Variants in DLG2 observed in about 807,000 individuals in gnomAD.
DLG2 encodes the protein discs large MAGUK scaffold protein 2, also known as disks large homolog 2.
A neutral mutation model predicts 132.5 loss-of-function variants in DLG2; 45 were observed. The ratio of observed to expected loss-of-function variants is 0.34; its 90% confidence interval spans 0.27 to 0.44. The LOEUF is 0.44. DLG2 is among the 20% of genes least tolerant of loss of function. The pLI is 1.00. For missense variants in DLG2, 1,045 were observed against 1,196.9 expected (o/e 0.87, Z 1.87); for synonymous variants, 424 against 419.6 (o/e 1.01, Z -0.13).
At chr11:85,092,660 T>TC (rs2068983401) in intron 6 of DLG2, among the ~76,000 whole-genome samples, 1 of 151,292 alleles carries the variant, frequency 6.6e-6, no homozygotes, top group Admixed American at 6.6e-5. Flanking sequence ...TTTTTTTTTT[T>TC]CAGACAGAGT....
At chr11:83,812,873 A>C (rs1293345201) in intron 17 of DLG2, among the ~76,000 whole-genome samples, 1 of 152,164 alleles carries the variant, frequency 6.6e-6, no homozygotes, top group Non-Finnish European at 1.5e-5. Context: ...AGGAGATGGG[A>C]TGATGACCAG....
In DLG2 at chr11:84,821,659, AC is replaced by A. The variant is rs1326386084; in HGVS notation, c.358-286929del. 1.3e-4 allele frequency among the ~76,000 whole-genome samples: 20 copies of A among 151,250 alleles called. 1 individual carries two copies. The highest frequency in any genetic ancestry group is 3.9e-4 in the African/African-American group (16 of 41,344). On this transcript the variant is annotated intron_variant, in intron 6 of 27. Transcript: ENST00000376104. ...AAAAAAAACAACAACAACAAAAAAA[AC>A]AAAAAAACAACTTTGGTTAAACTTC...
At chr11:83,817,331 A>G (rs985058341) in intron 17 of DLG2, among the ~76,000 whole-genome samples, 2 of 152,152 alleles carry the variant, frequency 1.3e-5, no homozygotes, top group African/African-American at 4.8e-5. Flanking sequence ...TTGAAGGATG[A>G]ATAGAATAGA....
chr11:85,600,860 C>T (rs927681829), intron 2 of DLG2, among the ~76,000 whole-genome samples: 12 of 152,134 alleles, frequency 7.9e-5, no homozygotes, highest in East Asian at 1.9e-4. Flanking sequence ...TTTTAACTTG[C>T]GCTTAAATTA....
intron 6 of DLG2, among the ~76,000 whole-genome samples, chr11:84,989,300 T>C (rs954806095): frequency 1.8e-4 from 27 of 152,092 alleles, no homozygotes; most frequent in African/African-American, 6.5e-4. Context: ...CTCAGCCTCC[T>C]GAGTAGCTGG....
At chr11:83,699,124 G>A (rs548271328) in intron 18 of DLG2, among the ~76,000 whole-genome samples, 26 of 152,252 alleles carry the variant, frequency 1.7e-4, no homozygotes, top group Admixed American at 1.2e-3. Flanking sequence ...TAGAGAAGAC[G>A]TCTAAAGGGC....
chr11:83,734,179 C>A (rs2091498840), intron 18 of DLG2, among the ~76,000 whole-genome samples: 1 of 152,114 alleles, frequency 6.6e-6, no homozygotes, highest in South Asian at 2.1e-4. Context: ...ATCACATTTT[C>A]TTTACCCAAT....
At chr11:84,361,834 A>G (rs1461531569) in intron 7 of DLG2, among the ~76,000 whole-genome samples, 1 of 151,980 alleles carries the variant, frequency 6.6e-6, no homozygotes, top group African/African-American at 2.4e-5. Flanking sequence ...GTGAAGTGGT[A>G]TAATATTATT....
chr11:85,123,474 AT>A (rs2074686981), intron 5 of DLG2, among the ~76,000 whole-genome samples: 1 of 152,254 alleles, frequency 6.6e-6, no homozygotes, highest in Non-Finnish European at 1.5e-5. Flanking sequence ...ATAAATAAGG[AT>A]TGGGGCTGTG....
chr11:84,663,904 A>C (rs1006781766), intron 6 of DLG2, among the ~76,000 whole-genome samples: 1 of 152,174 alleles, frequency 6.6e-6, no homozygotes, highest in Non-Finnish European at 1.5e-5. Context: ...AGGGCCTTGC[A>C]AATGTCTTGT....
intron 18 of DLG2, among the ~76,000 whole-genome samples, chr11:83,721,680 C>A (rs1423901367): frequency 6.6e-6 from 1 of 152,172 alleles, no homozygotes; most frequent in Non-Finnish European, 1.5e-5. Context: ...AGTTATAATG[C>A]TGTAAGTGAA....
At chr11:85,020,898 TC>T in intron 6 of DLG2, 2 of 766,772 alleles carry the variant, frequency 2.6e-6, no homozygotes, top group Non-Finnish European at 4.9e-6. Flanking sequence ...GTCATGTGCA[TC>T]CCCCTCCTCA....
intron 15 of DLG2, among the ~76,000 whole-genome samples, chr11:83,896,141 A>G (rs1034817261): frequency 6.6e-6 from 1 of 152,240 alleles, no homozygotes; most frequent in African/African-American, 2.4e-5. Flanking sequence ...GACAATATAA[A>G]TAATGGAAGA....
intron 3 of DLG2, among the ~76,000 whole-genome samples, chr11:85,570,943 T>G (rs1298698670): frequency 1.3e-5 from 2 of 152,144 alleles, no homozygotes; most frequent in Admixed American, 1.3e-4. Context: ...GAATTCCTGT[T>G]TGATTTCTTA....
chr11:83,661,460 A>G (rs1376178356), intron 18 of DLG2, among the ~76,000 whole-genome samples: 1 of 152,202 alleles, frequency 6.6e-6, no homozygotes, highest in Non-Finnish European at 1.5e-5. Context: ...TGGGTAAACA[A>G]ATTAACGTGT....
chr11:83,913,943 G>GAAA (rs1299394224), intron 15 of DLG2, among the ~76,000 whole-genome samples: 1 of 152,162 alleles, frequency 6.6e-6, no homozygotes, highest in East Asian at 1.9e-4. Flanking sequence ...AGACTGTGGT[G>GAAA]AAAACCAGTG....
intron 6 of DLG2, among the ~76,000 whole-genome samples, chr11:84,797,138 T>C (rs2074740456): frequency 6.6e-6 from 1 of 152,164 alleles, no homozygotes; most frequent in African/African-American, 2.4e-5. Context: ...TGAGCCACCA[T>C]GCCCGGCCTA....
intron 18 of DLG2, chr11:83,724,862 T>A (rs1269461298): frequency 1.4e-6 from 1 of 702,472 alleles, no homozygotes; most frequent in South Asian, 1.5e-5. Flanking sequence ...TCACCACAGC[T>A]CTTTAGCAAG....
At chr11:84,448,495 T>A (rs1360901533) in intron 7 of DLG2, among the ~76,000 whole-genome samples, 1 of 152,046 alleles carries the variant, frequency 6.6e-6, no homozygotes, top group East Asian at 1.9e-4. Context: ...ATTTTCTGTT[T>A]CCCCAATGTG....
Sources: gnomAD v4.1 joint callset for allele counts (sites outside exome capture counted in the v4.1 genomes callset) on GRCh38, gnomAD v4.1.1 for gene constraint, MANE v1.5 for transcripts, NCBI Gene and HGNC (gene_info 2026-07-23, HGNC 2026-07-21) for gene names.